The following STK32C variants were observed in gnomAD, a reference collection of about 807,000 sequenced individuals.
The protein encoded by STK32C is serine/threonine kinase 32C.
In STK32C, 31 loss-of-function variants were observed where a neutral mutation model predicts 56.5. That is an observed-to-expected ratio of 0.55 (90% CI 0.41 to 0.74). The LOEUF (loss-of-function observed/expected upper bound fraction) is 0.74. Among genes scored for constraint, STK32C ranks in the 30% least tolerant of loss-of-function variants. The probability of loss-of-function intolerance (pLI) is 0.00; values close to 1 mark genes in which losing one functional copy is unlikely to be tolerated. For missense variants in STK32C, 544 were observed against 676.9 expected (o/e 0.80, Z 2.18); for synonymous variants, 309 against 289.4 (o/e 1.07, Z -0.69).
chr10:132,328,794 G>A (rs185810508), intron 1 of STK32C, among the ~76,000 whole-genome samples: 1 of 152,362 alleles, frequency 6.6e-6, no homozygotes, highest in East Asian at 1.9e-4. Context: ...TACAACTTCT[G>A]CAGCGATATC....
intron 1 of STK32C, among the ~76,000 whole-genome samples, chr10:132,284,981 C>T (rs1024981914): frequency 1.5e-5 from 2 of 137,836 alleles, no homozygotes; most frequent in Non-Finnish European, 3.1e-5. Flanking sequence ...CACATTCCCA[C>T]GTCTGCCCAA....
chr10:132,264,346 T>A (rs948677324), intron 1 of STK32C, among the ~76,000 whole-genome samples: 2 of 152,192 alleles, frequency 1.3e-5, no homozygotes, highest in Non-Finnish European at 2.9e-5. Context: ...GGTGGCCCCA[T>A]GTGGATGCCA....
chr10:132,260,959 G>A (rs1468041980), intron 1 of STK32C, among the ~76,000 whole-genome samples: 1 of 152,252 alleles, frequency 6.6e-6, no homozygotes, highest in Non-Finnish European at 1.5e-5. Flanking sequence ...CAGGCCCCTA[G>A]CCCACAGAGC....
At chr10:132,242,707 T>G (rs1468368837) in intron 2 of STK32C, among the ~76,000 whole-genome samples, 1 of 151,556 alleles carries the variant, frequency 6.6e-6, no homozygotes. Context: ...GGCCCACCAC[T>G]GTTTTGGGTG....
At chr10:132,261,369 C>T (rs967587270) in intron 1 of STK32C, among the ~76,000 whole-genome samples, 7 of 152,190 alleles carry the variant, frequency 4.6e-5, no homozygotes, top group Non-Finnish European at 7.3e-5. Flanking sequence ...ATCAAGAATA[C>T]AATCCCATTT....
intron 1 of STK32C, among the ~76,000 whole-genome samples, chr10:132,299,197 CACAG>C (rs1264308615): frequency 1.3e-5 from 2 of 150,276 alleles, no homozygotes; most frequent in African/African-American, 2.5e-5. Flanking sequence ...GACCCAGCAG[CACAG>C]ACAGCTAGTC....
chr10:132,303,823 C>T (rs2065978703), intron 1 of STK32C, among the ~76,000 whole-genome samples: 1 of 152,212 alleles, frequency 6.6e-6, no homozygotes, highest in Non-Finnish European at 1.5e-5. Flanking sequence ...CCCTCCCGCT[C>T]CTGGAGCAAG....
chr10:132,310,865 C>T (rs948037555), upstream of STK32C, among the ~76,000 whole-genome samples: 3 of 152,128 alleles, frequency 2.0e-5, no homozygotes, highest in Non-Finnish European at 2.9e-5. This position sits in a 1 kb window ranked among gnomAD's most constrained non-coding sequence, Gnocchi z 4.6. Flanking sequence ...ATGCTGAGGC[C>T]GGAGCATGAA....
At chr10:132,313,277 C>A (rs576574901) in intron 1 of STK32C, among the ~76,000 whole-genome samples, 1 of 152,324 alleles carries the variant, frequency 6.6e-6, no homozygotes, top group South Asian at 2.1e-4. Context: ...ACACACTCTA[C>A]CCTTACAGCA....
chr10:132,226,449 A>G (rs1418384435), intron 4 of STK32C, among the ~76,000 whole-genome samples: 1 of 152,044 alleles, frequency 6.6e-6, no homozygotes, highest in East Asian at 1.9e-4. Flanking sequence ...ATTCCCTGGG[A>G]TGTGGTGGAT....
At chr10:132,267,401 A>G (rs1270549315) in intron 1 of STK32C, among the ~76,000 whole-genome samples, 1 of 152,186 alleles carries the variant, frequency 6.6e-6, no homozygotes, top group East Asian at 1.9e-4. Flanking sequence ...ATGCATGTGC[A>G]TGTATGTTTC....
chr10:132,308,320 A>C (rs1158093944), upstream of STK32C, among the ~76,000 whole-genome samples: 1 of 151,996 alleles, frequency 6.6e-6, no homozygotes, highest in South Asian at 2.1e-4. Flanking sequence ...TGGCACGGGG[A>C]CTGCTGTGCC....
At chr10:132,230,919 C>T (rs1044883263) in intron 2 of STK32C, among the ~76,000 whole-genome samples, 9 of 152,218 alleles carry the variant, frequency 5.9e-5, no homozygotes, top group African/African-American at 2.2e-4. Context: ...GGGTGCTCAA[C>T]CCCCACAGCC....
intron 1 of STK32C, among the ~76,000 whole-genome samples, chr10:132,292,543 ACACT>A (rs964358629): frequency 4.6e-5 from 7 of 152,168 alleles, no homozygotes; most frequent in Admixed American, 1.3e-4. Flanking sequence ...ACGCATGCAC[ACACT>A]CACATGCTCA....
intron 1 of STK32C, among the ~76,000 whole-genome samples, chr10:132,271,763 C>T (rs2064833410): frequency 6.6e-6 from 1 of 152,184 alleles, no homozygotes; most frequent in African/African-American, 2.4e-5. Context: ...CCCGACACCC[C>T]ACACCTACAG....
At chr10:132,302,088 G>A (rs374634983) in intron 1 of STK32C, among the ~76,000 whole-genome samples, 4 of 152,348 alleles carry the variant, frequency 2.6e-5, no homozygotes, top group African/African-American at 9.6e-5. Flanking sequence ...GTCCGGGACA[G>A]GCAGGAAAGC....
chr10:132,218,103 C>T (rs759444425), intron 10 of STK32C, among the ~76,000 whole-genome samples: 2 of 152,098 alleles, frequency 1.3e-5, no homozygotes, highest in Non-Finnish European at 2.9e-5. Context: ...GGGAGGACTC[C>T]AAGAGTTTGA....
At chr10:132,237,038 C>T (rs1054496101) in intron 2 of STK32C, among the ~76,000 whole-genome samples, 13 of 152,238 alleles carry the variant, frequency 8.5e-5, no homozygotes, top group Admixed American at 4.6e-4. Flanking sequence ...ACGACGAGGC[C>T]GGCCCTCAGG....
At chr10:132,281,257 C>G (rs1170193806) in intron 1 of STK32C, among the ~76,000 whole-genome samples, 1 of 151,404 alleles carries the variant, frequency 6.6e-6, no homozygotes, top group African/African-American at 2.4e-5. Flanking sequence ...TTTTGCTTCT[C>G]TAGACTATGT....
Sources: allele counts gnomAD v4.1 joint callset (sites outside exome capture counted in the v4.1 genomes callset), GRCh38; gene constraint gnomAD v4.1.1; non-coding constraint Gnocchi (gnomAD v3.1); transcripts MANE v1.5; gene names NCBI Gene and HGNC (gene_info 2026-07-23, HGNC 2026-07-21).